HSD17B2: variants seen among roughly 807,000 people sequenced by gnomAD.
HSD17B2 encodes the protein hydroxysteroid 17-beta dehydrogenase 2.
HSD17B2 carries 32 observed loss-of-function variants against 26.9 expected under a neutral mutation model. That is an observed-to-expected ratio of 1.19 (90% CI 0.90 to 1.60). HSD17B2 has a LOEUF of 1.60. Ranked by LOEUF, HSD17B2 falls within the 40% of genes most tolerant of loss-of-function variation. The pLI, the probability that HSD17B2 is intolerant of heterozygous loss-of-function variation, is 0.00. For missense variants in HSD17B2, 613 were observed against 468.6 expected, an observed-to-expected ratio of 1.31 and a Z score of -2.85; for synonymous variants, 246 against 186.7, an observed-to-expected ratio of 1.32 and a Z score of -2.59.
chr16:82,098,468 C>A lies in HSD17B2; in HGVS notation c.*32C>A. ...GAAGCCCTCAAAGAAGTCGGAATGT[C>A]ATAGTCTTGAAATGAAAGGGAAACT... is the stretch of plus-strand genomic sequence containing the variant. On this transcript the variant is annotated 3_prime_UTR_variant, in exon 5 of 5. Coordinates refer to ENST00000199936, the MANE Select transcript of HSD17B2 (RefSeq NM_002153.3). 6.5e-7 allele frequency: 1 copy of A among 1,548,770 alleles called. No individual in the cohort carries two copies. Among genetic ancestry groups the A allele is most frequent in the South Asian group, 1.3e-5 (1 of 79,586 alleles).
chr16:82,074,438 G>A (rs775420553), intron 3 of HSD17B2, among the ~76,000 whole-genome samples: 1 of 152,172 alleles, frequency 6.6e-6, no homozygotes, highest in African/African-American at 2.4e-5. Flanking sequence ...GAGATGGGAG[G>A]CATATGTACT....
At chr16:82,089,449 C>T (rs1904621004) in intron 3 of HSD17B2, among the ~76,000 whole-genome samples, 1 of 152,172 alleles carries the variant, frequency 6.6e-6, no homozygotes, top group African/African-American at 2.4e-5. Flanking sequence ...TGTGAGACTT[C>T]ATGAGGCACT....
chr16:82,065,340 G>T (rs1460043645), intron 1 of HSD17B2, among the ~76,000 whole-genome samples: 1 of 152,156 alleles, frequency 6.6e-6, no homozygotes, highest in Non-Finnish European at 1.5e-5. Flanking sequence ...TACCCTGATT[G>T]ACTGTTTATG....
At chr16:82,036,549 G>C (rs182636708) in intron 1 of HSD17B2, among the ~76,000 whole-genome samples, 74 of 152,154 alleles carry the variant, frequency 4.9e-4, no homozygotes, top group African/African-American at 1.7e-3. Flanking sequence ...TCACCCCTCT[G>C]ACCATGATCC....
At chr16:82,095,018 A>G (rs1014653704) in intron 4 of HSD17B2, 4 of 152,226 alleles carry the variant, frequency 2.6e-5, no homozygotes, top group African/African-American at 9.7e-5. Flanking sequence ...ATGGGTAGGG[A>G]GAGTCTGTCA....
intron 1 of HSD17B2, among the ~76,000 whole-genome samples, chr16:82,036,368 C>T (rs949325023): frequency 6.8e-6 from 1 of 146,762 alleles, no homozygotes; most frequent in Admixed American, 6.8e-5. Context: ...GTGTGTTTCC[C>T]CATTGCAAGT....
intron 3 of HSD17B2, among the ~76,000 whole-genome samples, chr16:82,089,108 T>TG: frequency 6.6e-6 from 1 of 152,290 alleles, no homozygotes; most frequent in East Asian, 1.9e-4. Context: ...CGAATTTTGA[T>TG]GGGGGTGGGC....
At chr16:82,096,023 T>C (rs906308937) in intron 4 of HSD17B2, 1 of 152,182 alleles carries the variant, frequency 6.6e-6, no homozygotes, top group Non-Finnish European at 1.5e-5. Context: ...AGCTGCTACA[T>C]TTTAAAGTAA....
chr16:82,065,588 G>A (rs961331329), intron 1 of HSD17B2, among the ~76,000 whole-genome samples: 2 of 152,176 alleles, frequency 1.3e-5, no homozygotes, highest in Non-Finnish European at 2.9e-5. Context: ...TCACCCAGCA[G>A]GGTGTGTATA....
intron 1 of HSD17B2, among the ~76,000 whole-genome samples, chr16:82,058,115 A>G (rs1364272155): frequency 6.9e-6 from 1 of 145,060 alleles, no homozygotes; most frequent in African/African-American, 2.6e-5. Context: ...TCTGTCGCCT[A>G]GGCTGGAGTG....
At chr16:82,053,879 G>C (rs921500311) in intron 1 of HSD17B2, among the ~76,000 whole-genome samples, 3 of 152,188 alleles carry the variant, frequency 2.0e-5, no homozygotes, top group African/African-American at 7.2e-5. Flanking sequence ...TTCTAACATA[G>C]AATGCATAAC....
intron 3 of HSD17B2, among the ~76,000 whole-genome samples, chr16:82,072,243 G>A (rs1164983011): frequency 6.6e-6 from 1 of 152,194 alleles, no homozygotes; most frequent in Non-Finnish European, 1.5e-5. Flanking sequence ...AGTTGGGGGA[G>A]ACGAAGTGTC....
intron 1 of HSD17B2, chr16:82,052,429 A>G (rs1914135557): frequency 6.6e-6 from 1 of 152,240 alleles, no homozygotes; most frequent in Non-Finnish European, 1.5e-5. Context: ...GCGAACTGTC[A>G]TGTATCCAAA....
chr16:82,082,413 C>T (rs1904408439), intron 3 of HSD17B2, among the ~76,000 whole-genome samples: 1 of 152,124 alleles, frequency 6.6e-6, no homozygotes, highest in Non-Finnish European at 1.5e-5. Context: ...TTTGAATATG[C>T]ATATGAATAT....
intron 3 of HSD17B2, chr16:82,071,820 C>G (rs987877327): frequency 6.4e-6 from 1 of 155,216 alleles, no homozygotes; most frequent in African/African-American, 2.4e-5. Flanking sequence ...ATCCATCGAC[C>G]TGACTTTTGG....
rs560943717 is a variant in HSD17B2, at chr16:82,035,679, C to T, written c.255C>T (p.Val85=). The change falls in exon 1 of 5, where the codon GTC becomes GTT. Residue 85 remains valine (V), a synonymous_variant. Transcript: ENST00000199936. ...TGTTACCTGTGGATCAGAAGGCAGT[C>T]CTGGTGACAGGTAAGCAGACGGTGC... The part of the protein sequence containing the change: ...QELLPVDQKA[V]LVTGGDCGLG... 6.2e-7 allele frequency: 1 copy of T among 1,613,634 alleles called. No individual in the cohort carries two copies. Among genetic ancestry groups the T allele is most frequent in the Non-Finnish European group, 8.5e-7 (1 of 1,179,790 alleles).
chr16:82,097,578 C>G (rs111466093), intron 4 of HSD17B2: 1 of 152,018 alleles, frequency 6.6e-6, no homozygotes, highest in Non-Finnish European at 1.5e-5. Flanking sequence ...AATCCAATTA[C>G]GTGTGCACTT....
At chr16:82,071,182 A>C in intron 3 of HSD17B2, 55 bp downstream of exon 3, 3 of 1,543,050 alleles carry the variant, frequency 1.9e-6, no homozygotes, top group Non-Finnish European at 1.8e-6. Context: ...GACATGGCTC[A>C]TGGCATTCTA....
chr16:82,070,207 T>C (rs1187977149), intron 2 of HSD17B2, among the ~76,000 whole-genome samples: 1 of 152,194 alleles, frequency 6.6e-6, no homozygotes, highest in Non-Finnish European at 1.5e-5. Context: ...ACACTGGCTC[T>C]ACCACCTAAC....
Sources: gnomAD v4.1 joint callset for allele counts (sites outside exome capture counted in the v4.1 genomes callset) on GRCh38, gnomAD v4.1.1 for gene constraint, MANE v1.5 for transcripts, NCBI Gene and HGNC (gene_info 2026-07-23, HGNC 2026-07-21) for gene names.